Variants in SDR42E2 observed in about 807,000 individuals in gnomAD.
The protein encoded by SDR42E2 is putative short-chain dehydrogenase/reductase family 42E member 2.
SDR42E2 carries 20 observed loss-of-function variants against 10.5 expected under a neutral mutation model. That is an observed-to-expected ratio of 1.90 (90% CI 1.34 to 2.77). The LOEUF (loss-of-function observed/expected upper bound fraction) is 2.77. Among genes scored for constraint, SDR42E2 ranks in the 30% most tolerant of loss-of-function variants. The pLI is 0.00. For missense variants in SDR42E2, 162 were observed against 104.2 expected, an observed-to-expected ratio of 1.55 and a Z score of -2.42; for synonymous variants, 72 against 39.2, an observed-to-expected ratio of 1.84 and a Z score of -3.12.
rs1490734435 is a variant in SDR42E2 at position 22,190,218 on chromosome 16, G to A, written c.1094G>A (p.Arg365Lys). The A allele has an allele frequency of 2.5e-6, 1 of 401,034 alleles. No individual in the cohort carries two copies. Among genetic ancestry groups the A allele is most frequent in the African/African-American group, 2.1e-5 (1 of 48,698 alleles). The allele number at this position is 401,034 out of a possible 1,614,324, so 24.8% of individuals were successfully genotyped here. A position where few individuals can be genotyped will look rare whatever the true frequency, so the allele number is the denominator to read the frequency against. The change falls in exon 13 of 13, where the codon AGG (arginine) becomes AAG (lysine). Residue 365 changes from arginine (R) to lysine (K), a missense_variant. Transcript: ENST00000602312. Reference protein sequence around the residue: ...AQLGYAPDKFRFADAVELYVQ... With the variant: ...AQLGYAPDKFKFADAVELYVQ... ...CTCGGCTACGCGCCGGATAAGTTTA[G>A]GTTCGCCGACGCCGTGGAGCTATAC... is the stretch of plus-strand genomic sequence containing the variant.
rs1474129556 is a variant in SDR42E2 at position 22,169,454 on chromosome 16, G to A, written c.346G>A (p.Glu116Lys). The A allele has an allele frequency of 1.4e-6, 1 of 703,472 alleles. No homozygotes were observed. Among genetic ancestry groups the A allele is most frequent in the Non-Finnish European group, 2.6e-6 (1 of 385,142 alleles). 43.6% of individuals were successfully genotyped at this position (703,472 alleles called of 1,614,324 possible). A position where few individuals can be genotyped will look rare whatever the true frequency, so the allele number is the denominator to read the frequency against. Reference sequence around the variant, plus strand: ...CTGTCTTGTCTTTTAGCTGCAGAAAGAGCAGATTGAGTCTATAAATGTTGG... The same window carrying A: ...CTGTCTTGTCTTTTAGCTGCAGAAAAAGCAGATTGAGTCTATAAATGTTGG... ...GMSGAEKLQK[E>K]QIESINVGGT... Residue 116 changes from glutamate to lysine, a missense_variant, in exon 5 of 13, where the codon GAG (glutamate) becomes AAG (lysine). Glu to Lys is a moderately conservative substitution (Grantham distance 56). Transcript: ENST00000602312.
At chr16:22,177,000 A>T (rs2046649934) in intron 7 of SDR42E2, among the ~76,000 whole-genome samples, 1 of 152,214 alleles carries the variant, frequency 6.6e-6, no homozygotes, top group Admixed American at 6.5e-5. Context: ...TTTCCATGTG[A>T]GGAAACCAAG....
chr16:22,174,003 G>C (rs2142067816), intron 7 of SDR42E2, among the ~76,000 whole-genome samples: 1 of 149,750 alleles, frequency 6.7e-6, no homozygotes, highest in African/African-American at 2.5e-5. Flanking sequence ...ATCTAAACTT[G>C]AGAGCCAGGT....
rs1246786290 is a variant in SDR42E2, at chr16:22,170,918, T to C, written c.480T>C (p.Asp160=). ...AFGGKPIEQG[D]EDSVPYFPLD... is the part of the protein sequence containing the mutation. The stretch of plus-strand genomic sequence containing the variant: ...GAGGGAAGCCCATAGAGCAGGGCGA[T>C]GAGGACTCTGTGCCATATTTCCCAT... The change falls in exon 6 of 13, where the codon GAT becomes GAC. Residue 160 remains aspartate, a synonymous_variant. Transcript: ENST00000602312. 8.5e-6 allele frequency: 6 copies of C among 702,996 alleles called. No homozygotes were observed. Among genetic ancestry groups the C allele is most frequent in the Non-Finnish European group, 1.3e-5 (5 of 385,014 alleles). The allele number at this position is 702,996 out of a possible 1,614,324, so 43.5% of individuals were successfully genotyped here. A position where few individuals can be genotyped will look rare whatever the true frequency, so the allele number is the denominator to read the frequency against.
rs2046538356 is a variant in SDR42E2, at chr16:22,166,268, A to C, written c.74A>C (p.Gln25Pro). ...AAGQAPQQKT[Q>P]AKPTKAARQK... ...ACACCAGCGCCGCAGCAGAAGACTC[A>C]AGCCAAACCTACAAAGGCTGCCAGG... Residue 25 changes from glutamine to proline, a missense_variant, in exon 3 of 13, where the codon CAA (glutamine) becomes CCA (proline). By Grantham distance (76) the Gln-to-Pro change is moderately conservative. Transcript: ENST00000602312. 2.5e-6 allele frequency: 1 copy of C among 402,864 alleles called. No individual in the cohort carries two copies. 25.0% of individuals were successfully genotyped at this position (402,864 alleles called of 1,614,324 possible).
In SDR42E2 at chr16:22,167,187, T is replaced by G. The variant is rs1173104497; in HGVS notation, c.336+188T>G. 3.5e-4 allele frequency among the ~76,000 whole-genome samples: 42 copies of G among 121,284 alleles called. 1 individual carries two copies. Among genetic ancestry groups the G allele is most frequent in the African/African-American group, 6.3e-4 (21 of 33,272 alleles). 79.6% of individuals were successfully genotyped at this position (121,284 alleles called of 152,430 possible). A position where few individuals can be genotyped will look rare whatever the true frequency, so the allele number is the denominator to read the frequency against. On this transcript the variant is annotated intron_variant, in intron 4 of 12. Transcript: ENST00000602312. ...GCCATTTTTTTTTTTTTTTTTTTTT[T>G]TTTTTTTTTTTTTTTTGAGACTGAG...
chr16:22,162,996 CA>C (rs1172823834), intron 1 of SDR42E2, among the ~76,000 whole-genome samples: 1 of 152,132 alleles, frequency 6.6e-6, no homozygotes, highest in East Asian at 1.9e-4. Context: ...TGCTTTGCGC[CA>C]GGCACTGTTC....
intron 7 of SDR42E2, among the ~76,000 whole-genome samples, chr16:22,175,167 C>T (rs566794738): frequency 6.6e-6 from 1 of 152,162 alleles, no homozygotes; most frequent in East Asian, 1.9e-4. Context: ...TGGCTTAAAA[C>T]AATAGAAATG....
intron 8 of SDR42E2, among the ~76,000 whole-genome samples, chr16:22,180,889 T>C (rs1719908841): frequency 6.6e-6 from 1 of 152,126 alleles, no homozygotes; most frequent in South Asian, 2.1e-4. Flanking sequence ...TGCCTGTAAT[T>C]CTAGCTCCTC....
chr16:22,190,566 C>T lies in SDR42E2; in HGVS notation c.*173C>T. The T allele has an allele frequency of 2.5e-6, 1 of 398,866 alleles. No individual in the cohort carries two copies. The highest frequency in any genetic ancestry group is 4.4e-6 in the Non-Finnish European group (1 of 226,116). 24.7% of individuals were successfully genotyped at this position (398,866 alleles called of 1,614,324 possible). A position where few individuals can be genotyped will look rare whatever the true frequency, so the allele number is the denominator to read the frequency against. On this transcript the variant is annotated 3_prime_UTR_variant, in exon 13 of 13. Coordinates refer to ENST00000602312, the MANE Select transcript of SDR42E2 (RefSeq NM_001394319.2). ...CGCTCTCCAGACCTAGCCCGGACCGCCGACTTCTGGCCACGCCCCTATCTA... is the reference window on the plus strand; with the variant it reads ...CGCTCTCCAGACCTAGCCCGGACCGTCGACTTCTGGCCACGCCCCTATCTA...
rs925571899 is a variant in SDR42E2 at position 22,166,965 on chromosome 16, A to C, written c.302A>C (p.His101Pro). The change falls in exon 4 of 13, where the codon CAC (histidine) becomes CCC (proline). Residue 101 changes from histidine (H) to proline (P), a missense_variant. Coordinates refer to ENST00000602312, the MANE Select transcript of SDR42E2 (RefSeq NM_001394319.2). ...RAFEGVDCVF[H>P]VASYGMSGAE... ...TTCGAAGGGGTGGACTGTGTCTTCC[A>C]CGTGGCTTCCTATGGAATGTCCGGG... 24 of 702,240 alleles carry C rather than the reference A, an allele frequency of 3.4e-5. No homozygotes were observed. The highest frequency in any genetic ancestry group is 3.9e-5 in the Non-Finnish European group (15 of 384,626). 43.5% of individuals were successfully genotyped at this position (702,240 alleles called of 1,614,324 possible).
intron 10 of SDR42E2, among the ~76,000 whole-genome samples, chr16:22,183,279 G>A (rs1237957467): frequency 6.6e-6 from 1 of 152,064 alleles, no homozygotes; most frequent in Admixed American, 6.6e-5. Context: ...ACACCACCCT[G>A]CTCGGCTAAT....
Position 22,181,874 on chromosome 16 carries a change from C to T in SDR42E2, c.810+218C>T, listed in dbSNP as rs769880657. 5.3e-5 allele frequency among the ~76,000 whole-genome samples: 8 copies of T among 152,254 alleles called. No individual in the cohort carries two copies. The East Asian group carries it at 7.7e-4, about 15-fold the overall frequency. On this transcript the variant is annotated intron_variant, in intron 9 of 12. Transcript: ENST00000602312. ...CTTCTCTATGGCCATGTGAGGTTGG[C>T]GTTGTTGATCCCAGAATAACAGCTG... is the stretch of plus-strand genomic sequence containing the variant.
chr16:22,166,860 T>C (rs1207436365), intron 3 of SDR42E2, 44 bp from the exon 4 acceptor site: 2 of 576,428 alleles, frequency 3.5e-6, no homozygotes, highest in Non-Finnish European at 6.5e-6. Flanking sequence ...TCTCTTGCCT[T>C]GGACTTGAAC....
At chr16:22,182,579 C>G (rs2046704645) in intron 10 of SDR42E2, among the ~76,000 whole-genome samples, 1 of 152,114 alleles carries the variant, frequency 6.6e-6, no homozygotes, top group Admixed American at 6.5e-5. Flanking sequence ...AACCCCTGAC[C>G]TCAAGTGATC....
At chr16:22,171,682 G>A (rs971143891) in intron 6 of SDR42E2, among the ~76,000 whole-genome samples, 8 of 152,036 alleles carry the variant, frequency 5.3e-5, no homozygotes, top group South Asian at 2.1e-4. Flanking sequence ...ACAGTCGTGC[G>A]CCACCACGCC....
rs146078040 is a variant in SDR42E2 at position 22,187,622 on chromosome 16, C to A, written c.1014+828C>A. Reference sequence around the variant, plus strand: ...AAAACCAAAAAAAAAAAAAAAGATTCTCCCCCCTCAGCCTTCTAAATAGCT... The same window carrying A: ...AAAACCAAAAAAAAAAAAAAAGATTATCCCCCCTCAGCCTTCTAAATAGCT... On this transcript the variant is annotated intron_variant, in intron 12 of 12. Coordinates refer to ENST00000602312, the MANE Select transcript of SDR42E2 (RefSeq NM_001394319.2). Among the ~76,000 whole-genome samples, 253 of 150,128 alleles carry A rather than the reference C, an allele frequency of 1.7e-3. 1 individual carries two copies. The highest frequency in any genetic ancestry group is 5.2e-3 in the African/African-American group (210 of 40,560).
chr16:22,168,409 T>C (rs891038351), intron 4 of SDR42E2, among the ~76,000 whole-genome samples: 2 of 151,758 alleles, frequency 1.3e-5, no homozygotes, highest in African/African-American at 4.8e-5. Flanking sequence ...AAGATTACAG[T>C]TGCACGCCAC....
Position 22,190,601 on chromosome 16 carries a change from C to T in SDR42E2, c.*208C>T. The stretch of plus-strand genomic sequence containing the variant: ...GCCACGCCCCTATCTACTCCCAGAC[C>T]TTGCCTTGCGCCCTTCCTGTGTTTT... On this transcript the variant is annotated 3_prime_UTR_variant, in exon 13 of 13. Transcript: ENST00000602312. The T allele has an allele frequency of 2.5e-6, 1 of 397,078 alleles. No homozygotes were observed. The highest frequency in any genetic ancestry group is 4.4e-6 in the Non-Finnish European group (1 of 225,102). 24.6% of individuals were successfully genotyped at this position (397,078 alleles called of 1,614,324 possible).
Sources: gnomAD v4.1 joint callset for allele counts (sites outside exome capture counted in the v4.1 genomes callset) on GRCh38, gnomAD v4.1.1 for gene constraint, MANE v1.5 for transcripts, NCBI Gene and HGNC (gene_info 2026-07-23, HGNC 2026-07-21) for gene names.